The following C17orf75 variants were observed in gnomAD, a reference collection of about 807,000 sequenced individuals.
The protein encoded by C17orf75 is chromosome 17 open reading frame 75.
Under a neutral mutation model 49.6 loss-of-function variants are expected in C17orf75, and 32 were observed. The ratio of observed to expected loss-of-function variants is 0.65; its 90% CI spans 0.49 to 0.87. The LOEUF is 0.87. Ranked by LOEUF, C17orf75 falls within the 40% of genes least tolerant of loss-of-function variation. The probability of loss-of-function intolerance (pLI) is 0.00; values close to 1 mark genes in which losing one functional copy is unlikely to be tolerated. For synonymous variants in C17orf75, 158 were observed against 159.5 expected, an observed-to-expected ratio of 0.99 and a Z score of 0.07; for missense variants, 428 against 473.9, an observed-to-expected ratio of 0.90 and a Z score of 0.90.
chr17:32,332,084 T>G lies in C17orf75; in HGVS notation c.976-106A>C, dbSNP rs1289875842. ...ACTCAACATATCTTCCTGAATTGTT[T>G]GCTTTTCATATTAAATATTTCCAAA... is the stretch of plus-strand genomic sequence containing the variant. On this transcript the variant is annotated intron_variant, in intron 9 of 9. Transcript: ENST00000577809. 3 of 916,470 alleles carry G rather than the reference T, an allele frequency of 3.3e-6. No individual in the cohort carries two copies. The African/African-American group carries it at 5.0e-5, about 15-fold the overall frequency. 56.8% of individuals were successfully genotyped at this position (916,470 alleles called of 1,614,324 possible).
chr17:32,345,146 T>G (rs1028180822), upstream of C17orf75, among the ~76,000 whole-genome samples: 1 of 152,012 alleles, frequency 6.6e-6, no homozygotes, highest in East Asian at 1.9e-4. Context: ...CTCACGTCTT[T>G]ATTGTATTTT....
At chr17:32,338,395 A>G in intron 3 of C17orf75, 44 bp from the exon 4 acceptor site, 1 of 1,568,808 alleles carries the variant, frequency 6.4e-7, no homozygotes, top group Non-Finnish European at 8.6e-7. Flanking sequence ...TTGGTTACTC[A>G]TGCATCTATA....
chr17:32,346,085 A>G (rs1024976395), upstream of C17orf75, among the ~76,000 whole-genome samples: 1 of 152,242 alleles, frequency 6.6e-6, no homozygotes, highest in Admixed American at 6.5e-5. Context: ...CCATGGCCGC[A>G]TGGATCATTC....
At position 32,331,613 on chromosome 17, in the gene C17orf75, T is replaced by C. The variant is rs1176202720; in HGVS notation, c.*150A>G. The C allele has an allele frequency of 3.0e-6, 2 of 670,458 alleles. No individual in the cohort carries two copies. The highest frequency in any genetic ancestry group is 5.0e-6 in the Non-Finnish European group (2 of 398,910). The allele number at this position is 670,458 out of a possible 1,614,324, so 41.5% of individuals were successfully genotyped here. A position where few individuals can be genotyped will look rare whatever the true frequency, so the allele number is the denominator to read the frequency against. On this transcript the variant is annotated 3_prime_UTR_variant, in exon 10 of 10. Coordinates refer to ENST00000577809, the MANE Select transcript of C17orf75 (RefSeq NM_022344.4). ...AGTGAAGATGTTCTTCAGATTTTTATTTAAGTTAAATTGGTAAAATACAAA... is the reference window on the plus strand; with the variant it reads ...AGTGAAGATGTTCTTCAGATTTTTACTTAAGTTAAATTGGTAAAATACAAA...
rs775373100 is a variant in C17orf75, at chr17:32,337,948, C to T, written c.498G>A (p.Arg166=). The T allele has an allele frequency of 6.9e-6, 11 of 1,602,054 alleles. No individual in the cohort carries two copies. The Admixed American group carries it at 1.7e-4, about 25-fold the overall frequency. ...GGSEKGLELF[R]LELDKYIQGL... Reference sequence around the variant, plus strand: ...CTTGAATGTACTTGTCCAATTCAAGCCTGAAAGTATGTTCTTAAGGAAGCA... The same window carrying T: ...CTTGAATGTACTTGTCCAATTCAAGTCTGAAAGTATGTTCTTAAGGAAGCA... The change falls in exon 5 of 10, where the codon AGG becomes AGA. Residue 166 remains arginine, a synonymous_variant. Transcript: ENST00000577809.
chr17:32,341,906 C>G lies in C17orf75; in HGVS notation c.140+94G>C. On this transcript the variant is annotated intron_variant, in intron 1 of 9. Coordinates refer to ENST00000577809, the MANE Select transcript of C17orf75 (RefSeq NM_022344.4). Reference sequence around the variant, plus strand: ...AGATGGCTTTTAGGAGCGGCCGGGCCGCTGGGCCGGGGGTGGGGTGCAAGG... The same window carrying G: ...AGATGGCTTTTAGGAGCGGCCGGGCGGCTGGGCCGGGGGTGGGGTGCAAGG... 5.5e-6 allele frequency: 6 copies of G among 1,092,500 alleles called. No homozygotes were observed. The South Asian group carries it at 2.7e-4, about 49-fold the overall frequency. 67.7% of individuals were successfully genotyped at this position (1,092,500 alleles called of 1,614,324 possible). A position where few individuals can be genotyped will look rare whatever the true frequency, so the allele number is the denominator to read the frequency against.
chr17:32,338,168 T>G (rs761872210), intron 4 of C17orf75, 40 bp downstream of exon 4: 21 of 1,596,460 alleles, frequency 1.3e-5, no homozygotes, highest in Admixed American at 1.8e-5. Context: ...CCTTCCCATG[T>G]TTTCCTTCCT....
chr17:32,343,483 C>G, upstream of C17orf75: 1 of 246,102 alleles, frequency 4.1e-6, no homozygotes, highest in Non-Finnish European at 7.7e-6. Flanking sequence ...AAATCCCCTT[C>G]CTGCTTCTCA....
At chr17:32,334,286 A>AGGAAT (rs2041304065) in intron 8 of C17orf75, among the ~76,000 whole-genome samples, 183 bp downstream of exon 8, 1 of 152,210 alleles carries the variant, frequency 6.6e-6, no homozygotes, top group Non-Finnish European at 1.5e-5. Context: ...TGGAATTGCT[A>AGGAAT]GGCATGGCAT....
chr17:32,336,998 A>G (rs933836855), intron 5 of C17orf75, among the ~76,000 whole-genome samples: 4 of 152,084 alleles, frequency 2.6e-5, no homozygotes, highest in Non-Finnish European at 5.9e-5. Flanking sequence ...TACCAAAAAT[A>G]CAATTAGCTG....
chr17:32,342,056 C>T lies in C17orf75; in HGVS notation c.84G>A (p.Arg28=), dbSNP rs143405256. 9 of 1,559,990 alleles carry T rather than the reference C, an allele frequency of 5.8e-6. No individual in the cohort carries two copies. The African/African-American group carries it at 6.8e-5, about 12-fold the overall frequency. Residue 28 remains arginine (R), a synonymous_variant, in exon 1 of 10, where the codon CGG becomes CGA. Coordinates refer to ENST00000577809, the MANE Select transcript of C17orf75 (RefSeq NM_022344.4). ...GGCTGCTGGACGGCGGCTCGAGTCT[C>T]CGCTCCTCGGCTGAGCCTCCCTCTT... The part of the protein sequence containing the change: ...SSEEGGSAEE[R]RLEPPSSSHY...
upstream of C17orf75, among the ~76,000 whole-genome samples, chr17:32,345,616 G>A (rs1374003723): frequency 6.8e-6 from 1 of 147,192 alleles, no homozygotes; most frequent in Non-Finnish European, 1.5e-5. Context: ...CAGATCACAA[G>A]GTCAGGAGAT....
In C17orf75 at chr17:32,329,050, T is replaced by C. The variant is rs2041254747; in HGVS notation, c.*2713A>G. 1 of 152,064 alleles carries C rather than the reference T, an allele frequency of 6.6e-6. No individual in the cohort carries two copies. The highest frequency in any genetic ancestry group is 2.1e-4 in the South Asian group (1 of 4,820). The allele number at this position is 152,064 out of a possible 1,614,324, so 9.4% of individuals were successfully genotyped here. A position where few individuals can be genotyped will look rare whatever the true frequency, so the allele number is the denominator to read the frequency against. ...ACACCATTTTCCTTGTCTACAGTAGTGATACAGAGTTTGTCAGACTTTTTT... is the reference window on the plus strand; with the variant it reads ...ACACCATTTTCCTTGTCTACAGTAGCGATACAGAGTTTGTCAGACTTTTTT... On this transcript the variant is annotated 3_prime_UTR_variant, in exon 10 of 10. Coordinates refer to ENST00000577809, the MANE Select transcript of C17orf75 (RefSeq NM_022344.4).
At chr17:32,336,536 G>A (rs1455869666) in intron 5 of C17orf75, among the ~76,000 whole-genome samples, 1 of 152,158 alleles carries the variant, frequency 6.6e-6, no homozygotes, top group Non-Finnish European at 1.5e-5. Flanking sequence ...GTTTGAATAA[G>A]TTGATATGGA....
upstream of C17orf75, chr17:32,342,264 G>A (rs1028003942): frequency 1.5e-6 from 2 of 1,364,862 alleles, no homozygotes; most frequent in African/African-American, 3.0e-5. Context: ...GTTTCCCCGG[G>A]TTCGCAGGCA....
rs761035435 is a variant in C17orf75, at chr17:32,335,438, C to T, written c.554G>A (p.Arg185Lys). ...GLKNNMNCEA[R>K]GLESHIKSYL... ...GGATTTTATGTGACTCTCCAGGCCC[C>T]TTGCCTAAATCAAGAAAGAACATCA... Residue 185 changes from arginine to lysine, a missense_variant, in exon 6 of 10, where the codon AGG (arginine) becomes AAG (lysine). Physicochemically the swap from Arg to Lys is conservative, Grantham distance 26. Transcript: ENST00000577809. The T allele has an allele frequency of 2.2e-5, 35 of 1,612,730 alleles. No individual in the cohort carries two copies. Among genetic ancestry groups the T allele is most frequent in the Non-Finnish European group, 2.1e-5 (25 of 1,179,502 alleles).
chr17:32,347,391 G>A (rs909872015), intron 1 of C17orf75, among the ~76,000 whole-genome samples: 1 of 151,896 alleles, frequency 6.6e-6, no homozygotes, highest in Non-Finnish European at 1.5e-5. Context: ...TGATTCTCCT[G>A]CCTCAGCCTC....
At chr17:32,335,534 G>T (rs2041316480) in intron 5 of C17orf75, 92 bp from the exon 6 acceptor site, 5 of 1,437,970 alleles carry the variant, frequency 3.5e-6, no homozygotes, top group Non-Finnish European at 4.7e-6. Flanking sequence ...TGGTGAAAAA[G>T]ACCAGGATAG....
At chr17:32,333,867 A>T (rs1402392122) in intron 8 of C17orf75, among the ~76,000 whole-genome samples, 1 of 152,218 alleles carries the variant, frequency 6.6e-6, no homozygotes, top group African/African-American at 2.4e-5. Context: ...GGAATACCAA[A>T]ATGGCTGAAG....
Sources: gnomAD v4.1 joint callset for allele counts (sites outside exome capture counted in the v4.1 genomes callset) on GRCh38, gnomAD v4.1.1 for gene constraint, MANE v1.5 for transcripts, NCBI Gene and HGNC (gene_info 2026-07-23, HGNC 2026-07-21) for gene names.